COL26A1: variants seen among roughly 807,000 people sequenced by gnomAD.
COL26A1 encodes the protein collagen type XXVI alpha 1 chain.
A neutral mutation model predicts 59.3 loss-of-function variants in COL26A1; 41 were observed. That is an observed-to-expected ratio of 0.69 (90% CI 0.54 to 0.90). The LOEUF (loss-of-function observed/expected upper bound fraction) is 0.90. COL26A1 is among the 40% of genes least tolerant of loss of function. The pLI is 0.00. For synonymous variants in COL26A1, 266 were observed against 256.0 expected (o/e 1.04, Z -0.37); for missense variants, 612 against 602.3 (o/e 1.02, Z -0.17).
intron 2 of COL26A1, among the ~76,000 whole-genome samples, chr7:101,435,106 C>A (rs2130335322): frequency 6.6e-6 from 1 of 152,226 alleles, no homozygotes; most frequent in South Asian, 2.1e-4. Context: ...AGGCAGATCA[C>A]CTGAGATCAG....
At position 101,459,822 on chromosome 7, in the gene COL26A1, A is replaced by G. The variant is rs1793567631; in HGVS notation, c.385+12035A>G. 2.0e-5 allele frequency among the ~76,000 whole-genome samples: 3 copies of G among 152,262 alleles called. No homozygotes were observed. The South Asian group carries it at 6.2e-4, about 32-fold the overall frequency. ...AATCCCCTAGACTCCTATATGGGCA[A>G]GGGCAGGCCTGGGACAGAGGGGCTT... is the stretch of plus-strand genomic sequence containing the variant. On this transcript the variant is annotated intron_variant, in intron 3 of 12. Transcript: ENST00000313669.
intron 1 of COL26A1, chr7:101,388,984 G>A: frequency 3.4e-6 from 1 of 296,690 alleles, no homozygotes; most frequent in South Asian, 3.8e-5. Context: ...ACAGGATTTT[G>A]GCCGCCATGG....
chr7:101,386,282 A>G (rs28469532), intron 1 of COL26A1, among the ~76,000 whole-genome samples: 4 of 92,256 alleles, frequency 4.3e-5, no homozygotes, highest in Admixed American at 1.0e-4. Context: ...TTTTTTTTTA[A>G]TTTTTTGAGA....
intron 3 of COL26A1, among the ~76,000 whole-genome samples, chr7:101,485,447 T>TGCTGCA (rs758285522): frequency 5.1e-4 from 77 of 152,314 alleles, no homozygotes; most frequent in Non-Finnish European, 9.4e-4. Flanking sequence ...TAGGCTATGA[T>TGCTGCA]GCTGCAGGGG....
intron 2 of COL26A1, among the ~76,000 whole-genome samples, chr7:101,435,846 G>A (rs930088336): frequency 2.0e-5 from 3 of 152,172 alleles, no homozygotes; most frequent in African/African-American, 2.4e-5. Flanking sequence ...GGGATTTGCC[G>A]GAACTCTCCG....
At chr7:101,529,434 A>G (rs943862142) in intron 3 of COL26A1, among the ~76,000 whole-genome samples, 1 of 151,774 alleles carries the variant, frequency 6.6e-6, no homozygotes, top group Non-Finnish European at 1.5e-5. Context: ...ACACCTGGCT[A>G]ATATTTGTAT....
At chr7:101,453,020 G>C (rs1281070454) in intron 3 of COL26A1, among the ~76,000 whole-genome samples, 2 of 152,060 alleles carry the variant, frequency 1.3e-5, no homozygotes, top group African/African-American at 4.8e-5. Flanking sequence ...CAAAGTGTTG[G>C]GATTACAGGC....
Position 101,473,323 on chromosome 7 carries a change from A to G in COL26A1, c.385+25536A>G, listed in dbSNP as rs1198966857. On this transcript the variant is annotated intron_variant, in intron 3 of 12. Coordinates refer to ENST00000313669, the MANE Select transcript of COL26A1 (RefSeq NM_001278563.3). ...GATCTCCTGACCTTGTGATCCGCCCACCTCAGCCTCCCAAAATGCTGGGAT... is the reference window on the plus strand; with the variant it reads ...GATCTCCTGACCTTGTGATCCGCCCGCCTCAGCCTCCCAAAATGCTGGGAT... Among the ~76,000 whole-genome samples the G allele has an allele frequency of 4.6e-5, 7 of 151,694 alleles. No individual in the cohort carries two copies. The East Asian group carries it at 5.8e-4, about 13-fold the overall frequency.
intron 3 of COL26A1, among the ~76,000 whole-genome samples, chr7:101,521,754 T>C (rs1795144458): frequency 6.6e-6 from 1 of 152,180 alleles, no homozygotes; most frequent in Admixed American, 6.5e-5. Flanking sequence ...CTCATGATCT[T>C]GAAAGCCCTC....
chr7:101,535,349 G>A (rs751282016), intron 4 of COL26A1, among the ~76,000 whole-genome samples: 18 of 152,332 alleles, frequency 1.2e-4, no homozygotes, highest in East Asian at 1.9e-4. Flanking sequence ...CAGCCTGATG[G>A]ACATTTTCCT....
intron 1 of COL26A1, among the ~76,000 whole-genome samples, chr7:101,376,456 G>A (rs528320190): frequency 6.6e-6 from 1 of 152,088 alleles, no homozygotes; most frequent in Non-Finnish European, 1.5e-5. Flanking sequence ...AAATGCTGAG[G>A]ACTTCCTAGA....
At chr7:101,401,608 GGAA>G (rs1425722871) in intron 1 of COL26A1, among the ~76,000 whole-genome samples, 1 of 149,084 alleles carries the variant, frequency 6.7e-6, no homozygotes, top group African/African-American at 2.5e-5. Context: ...AAGAGTAGGA[GGAA>G]GAAGAGGAAA....
intron 3 of COL26A1, among the ~76,000 whole-genome samples, chr7:101,529,183 T>C (rs1385074821): frequency 6.6e-6 from 1 of 152,164 alleles, no homozygotes; most frequent in African/African-American, 2.4e-5. Flanking sequence ...AATTATTTTA[T>C]GTTAGATTCA....
At chr7:101,390,426 CTTTAG>C (rs1791702637) in intron 1 of COL26A1, among the ~76,000 whole-genome samples, 1 of 152,014 alleles carries the variant, frequency 6.6e-6, no homozygotes, top group South Asian at 2.1e-4. Context: ...CTGAGCCTGG[CTTTAG>C]TTTTGTTTTG....
rs532833273 is a variant in COL26A1, at chr7:101,489,739, C to T, written c.385+41952C>T. 2.8e-3 allele frequency among the ~76,000 whole-genome samples: 139 copies of T among 50,454 alleles called. 37 individuals are homozygous for T. Among genetic ancestry groups the T allele is most frequent in the South Asian group, 4.0e-3 (6 of 1,490 alleles). 33.1% of individuals were successfully genotyped at this position (50,454 alleles called of 152,430 possible). ...ATTCTTTCTTTCTCTCTCTCTTTCT[C>T]TCTTTCTTTCTTGTCTCTCTTTCTT... is the stretch of plus-strand genomic sequence containing the variant. On this transcript the variant is annotated intron_variant, in intron 3 of 12. Transcript: ENST00000313669.
intron 9 of COL26A1, 36 bp from the exon 10 acceptor site, chr7:101,551,072 C>T (rs372663943): frequency 2.6e-5 from 40 of 1,551,376 alleles, no homozygotes; most frequent in Middle Eastern, 1.7e-4. Context: ...TGGCCAGGAC[C>T]GGCAGGCCTC....
At chr7:101,495,473 A>G (rs1409521643) in intron 3 of COL26A1, among the ~76,000 whole-genome samples, 1 of 150,928 alleles carries the variant, frequency 6.6e-6, no homozygotes, top group Non-Finnish European at 1.5e-5. Context: ...CAGTGGCATG[A>G]TCTCGGCTTA....
intron 3 of COL26A1, among the ~76,000 whole-genome samples, chr7:101,492,657 A>G (rs964546696): frequency 5.3e-5 from 8 of 151,624 alleles, no homozygotes; most frequent in Non-Finnish European, 1.2e-4. Flanking sequence ...AGATCATGCC[A>G]CTGCACTCCA....
intron 1 of COL26A1, among the ~76,000 whole-genome samples, chr7:101,402,008 C>G (rs923084378): frequency 6.6e-6 from 1 of 152,144 alleles, no homozygotes; most frequent in Non-Finnish European, 1.5e-5. Context: ...AAAAGGCAGA[C>G]TTCATTACCA....
Sources: gnomAD v4.1 joint callset for allele counts (sites outside exome capture counted in the v4.1 genomes callset) on GRCh38, gnomAD v4.1.1 for gene constraint, MANE v1.5 for transcripts, NCBI Gene and HGNC (gene_info 2026-07-23, HGNC 2026-07-21) for gene names.